Variants in TSR3 observed in about 807,000 individuals in gnomAD.
TSR3 encodes TSR3 ribosome maturation factor, also known as 18S rRNA aminocarboxypropyltransferase.
TSR3 carries 31 observed loss-of-function variants against 28.1 expected under a neutral mutation model. The observed-to-expected ratio is 1.10, with a 90% CI of 0.83 to 1.49. The LOEUF is 1.49. Ranked by LOEUF, TSR3 falls within the 40% of genes most tolerant of loss-of-function variation. The probability of loss-of-function intolerance (pLI) is 0.00; values close to 1 mark genes in which losing one functional copy is unlikely to be tolerated. For synonymous variants in TSR3, 219 were observed against 197.2 expected (o/e 1.11, Z -0.93); for missense variants, 511 against 444.0 (o/e 1.15, Z -1.36).
chr16:1,350,254 GA>G lies in TSR3; in HGVS notation c.527-21del, dbSNP rs1270075957. 1 of 1,568,828 alleles carries G rather than the reference GA, an allele frequency of 6.4e-7. No individual in the cohort carries two copies. On this transcript the variant is annotated intron_variant, in intron 3 of 5. Coordinates refer to ENST00000007390, the MANE Select transcript of TSR3 (RefSeq NM_001001410.3). ...GAAAGCCTGACGGTGTGAGAAACAG[GA>G]AACCCAAAGAAGTCGACGGTCCCCT...
In TSR3 at chr16:1,351,492, G is replaced by A. The variant is rs2034679890; in HGVS notation, c.219C>T (p.Cys73=). 2 of 1,563,308 alleles carry A rather than the reference G, an allele frequency of 1.3e-6. No homozygotes were observed. The highest frequency in any genetic ancestry group is 1.7e-6 in the Non-Finnish European group (2 of 1,162,956). ...WELGHCDPRR[C]TGRKLARLGL... ...CCAGGCGGGCCAGCTTGCGGCCCGTGCAGCGCCGGGGGTCGCAGTGGCCCA... is the reference window on the plus strand; with the variant it reads ...CCAGGCGGGCCAGCTTGCGGCCCGTACAGCGCCGGGGGTCGCAGTGGCCCA... The change falls in exon 2 of 6, where the codon TGC becomes TGT. Residue 73 remains cysteine (C), a synonymous_variant. Coordinates refer to ENST00000007390, the MANE Select transcript of TSR3 (RefSeq NM_001001410.3).
At position 1,349,279 on chromosome 16, in the gene TSR3, G is replaced by A. The variant is rs1366107827; in HGVS notation, c.*158C>T. ...CTTCATTTGCGAGAGCGCCGAGGCA[G>A]GACACAGAGCACAGCTGTGCTGGAA... On this transcript the variant is annotated 3_prime_UTR_variant, in exon 6 of 6. Coordinates refer to ENST00000007390, the MANE Select transcript of TSR3 (RefSeq NM_001001410.3). 12 of 814,362 alleles carry A rather than the reference G, an allele frequency of 1.5e-5. No homozygotes were observed. Among genetic ancestry groups the A allele is most frequent in the Non-Finnish European group, 2.1e-5 (10 of 486,232 alleles). The allele number at this position is 814,362 out of a possible 1,614,324, so 50.4% of individuals were successfully genotyped here.
chr16:1,351,680 A>G lies in TSR3; in HGVS notation c.112+13T>C. On this transcript the variant is annotated intron_variant, in intron 1 of 5. Transcript: ENST00000007390. ...CAAACCCTGACCCGCTCTCCCCATC[A>G]CGCCTCGCTCACCCTGCAGCGCGGC... is the stretch of plus-strand genomic sequence containing the variant. 1 of 1,391,336 alleles carries G rather than the reference A, an allele frequency of 7.2e-7. No homozygotes were observed. The highest frequency in any genetic ancestry group is 3.6e-5 in the Admixed American group (1 of 27,510). 86.2% of individuals were successfully genotyped at this position (1,391,336 alleles called of 1,614,324 possible).
At chr16:1,350,293 G>C (rs1184540890) in intron 3 of TSR3, 59 bp from the exon 4 acceptor site, 1 of 1,514,348 alleles carries the variant, frequency 6.6e-7, no homozygotes, top group East Asian at 2.3e-5. Context: ...AGTGCCTCCT[G>C]ATCACCCTGC....
chr16:1,350,251 CAG>C lies in TSR3; in HGVS notation c.527-19_527-18del. 1 of 1,571,476 alleles carries C rather than the reference CAG, an allele frequency of 6.4e-7. No homozygotes were observed. The highest frequency in any genetic ancestry group is 8.6e-7 in the Non-Finnish European group (1 of 1,162,974). On this transcript the variant is annotated intron_variant, in intron 3 of 5. Coordinates refer to ENST00000007390, the MANE Select transcript of TSR3 (RefSeq NM_001001410.3). ...CTGGAAAGCCTGACGGTGTGAGAAA[CAG>C]GAAACCCAAAGAAGTCGACGGTCCC...
rs756617053 is a variant in TSR3, at chr16:1,349,553, C to T, written c.823G>A (p.Glu275Lys). 6.2e-6 allele frequency: 10 copies of T among 1,612,922 alleles called. No homozygotes were observed. The highest frequency in any genetic ancestry group is 2.7e-5 in the African/African-American group (2 of 74,916). Reference sequence around the variant, plus strand: ...CAGCTGCTGCTGGCTCCTCCGCGCTCGGCGCCAGGCCCTGGGTCCTCAGAC... The same window carrying T: ...CAGCTGCTGCTGGCTCCTCCGCGCTTGGCGCCAGGCCCTGGGTCCTCAGAC... Reference protein sequence around the residue: ...DASEDPGPGAERGGASSSCCE... With the variant: ...DASEDPGPGAKRGGASSSCCE... The change falls in exon 6 of 6, where the codon GAG becomes AAG. Residue 275 changes from glutamate to lysine, a missense_variant. By Grantham distance (56) the Glu-to-Lys change is moderately conservative. Coordinates refer to ENST00000007390, the MANE Select transcript of TSR3 (RefSeq NM_001001410.3).
chr16:1,350,011 C>A, intron 4 of TSR3, 47 bp downstream of exon 4: 1 of 1,610,204 alleles, frequency 6.2e-7, no homozygotes, highest in South Asian at 1.1e-5. Context: ...AGGCCTCCCA[C>A]CCCCCAGGCT....
At chr16:1,350,365 CCTGAGAACCCGTG>C in intron 3 of TSR3, 131 bp from the exon 4 acceptor site, 1 of 1,021,698 alleles carries the variant, frequency 9.8e-7, no homozygotes. Context: ...AGCTCACAGT[CCTGAGAACCCGTG>C]CTGCCCCCAG....
At chr16:1,349,835 G>C in intron 5 of TSR3, 54 bp downstream of exon 5, 1 of 1,599,904 alleles carries the variant, frequency 6.3e-7, no homozygotes, top group Non-Finnish European at 8.6e-7. Flanking sequence ...TCAGGCCAGA[G>C]GTAGAAGAGA....
At chr16:1,351,277 G>A (rs2034670105) in intron 2 of TSR3, 102 bp downstream of exon 2, 2 of 1,254,144 alleles carry the variant, frequency 1.6e-6, no homozygotes, top group South Asian at 3.0e-5. Flanking sequence ...CTGCCCACGT[G>A]GGTGTGGATG....
Position 1,351,752 on chromosome 16 carries a change from C to A in TSR3, c.53G>T (p.Arg18Leu), listed in dbSNP as rs1444362643. The A allele has an allele frequency of 3.7e-6, 5 of 1,355,470 alleles. No homozygotes were observed. The highest frequency in any genetic ancestry group is 1.8e-5 in the South Asian group (1 of 56,498). 84.0% of individuals were successfully genotyped at this position (1,355,470 alleles called of 1,614,324 possible). A position where few individuals can be genotyped will look rare whatever the true frequency, so the allele number is the denominator to read the frequency against. ...RGPGAEGGRP[R>L]HLPTRSLEAF... ...CTCCAGGGAGCGCGTCGGGAGGTGC[C>A]GAGGGCGGCCGCCTTCCGCCCCCGG... The change falls in exon 1 of 6, where the codon CGG becomes CTG. Residue 18 changes from arginine (R) to leucine (L), a missense_variant. Physicochemically the swap from Arg to Leu is moderately radical, Grantham distance 102. Transcript: ENST00000007390.
At chr16:1,349,791 G>A (rs772221071) in intron 5 of TSR3, 98 bp downstream of exon 5, 1 of 1,504,604 alleles carries the variant, frequency 6.6e-7, no homozygotes, top group Non-Finnish European at 9.2e-7. Context: ...TCGGGGTGTT[G>A]TTTACAACAC....
At position 1,350,212 on chromosome 16, in the gene TSR3, A is replaced by G. The variant is rs775210664; in HGVS notation, c.549T>C (p.Ile183=). 8 of 1,600,342 alleles carry G rather than the reference A, an allele frequency of 5.0e-6. No homozygotes were observed. Among genetic ancestry groups the G allele is most frequent in the Non-Finnish European group, 6.8e-6 (8 of 1,178,000 alleles). ...TGCCCCATTTAAACTTCCGCAGCAA[A>G]ATGACAGCAAGGTCTGGAAAGCCTG... ...CIVGFPDLAV[I]LLRKFKWGKG... Residue 183 remains isoleucine (I), a synonymous_variant, in exon 4 of 6, where the codon ATT becomes ATC. Transcript: ENST00000007390.
At chr16:1,350,434 T>TC (rs1170272667) in intron 3 of TSR3, among the ~76,000 whole-genome samples, 200 bp from the exon 4 acceptor site, 2 of 151,594 alleles carry the variant, frequency 1.3e-5, no homozygotes, top group African/African-American at 4.9e-5. Flanking sequence ...ACCGACCAAG[T>TC]CCCCCTCCTT....
chr16:1,350,460 A>G (rs1031929925), intron 3 of TSR3, among the ~76,000 whole-genome samples: 5 of 152,098 alleles, frequency 3.3e-5, no homozygotes, highest in Non-Finnish European at 7.4e-5. Context: ...CGAAACAAAC[A>G]TTCCCACCAA....
At position 1,351,006 on chromosome 16, in the gene TSR3, A is replaced by T; in HGVS notation, c.333-6T>A. 1.2e-6 allele frequency: 2 copies of T among 1,610,880 alleles called. No homozygotes were observed. The highest frequency in any genetic ancestry group is 1.7e-6 in the Non-Finnish European group (2 of 1,179,418). On this transcript the variant is annotated splice_polypyrimidine_tract_variant and splice_region_variant and intron_variant, in intron 2 of 5. Transcript: ENST00000007390. ...CAGACTGCGCCACCAGCTGTCTGCC[A>T]GGGACAGCATGGGATAAGTTCAGGA...
chr16:1,350,770 C>T (rs1005015597), intron 3 of TSR3, 37 bp downstream of exon 3: 1 of 1,590,218 alleles, frequency 6.3e-7, no homozygotes, highest in Non-Finnish European at 8.6e-7. Flanking sequence ...GAACAGCAGG[C>T]CGCCGGGTCA....
At position 1,349,952 on chromosome 16, in the gene TSR3, T is replaced by G. The variant is rs767626640; in HGVS notation, c.704A>C (p.Asp235Ala). 1 of 1,613,448 alleles carries G rather than the reference T, an allele frequency of 6.2e-7. No homozygotes were observed. The highest frequency in any genetic ancestry group is 8.5e-7 in the Non-Finnish European group (1 of 1,179,988). The part of the protein sequence containing the change: ...AKESPQEEEI[D>A]PFDVDSGREF... ...TCTCCCTGAATCCACATCGAAGGGA[T>G]CTGAGCCGAGAGAGGAAAGTGGCCT... The change falls in exon 5 of 6, where the codon GAT becomes GCT. Residue 235 changes from aspartate (D) to alanine (A), a missense_variant and splice_region_variant. Physicochemically the swap from Asp to Ala is moderately radical, Grantham distance 126. Transcript: ENST00000007390.
Position 1,351,457 on chromosome 16 carries a change from CGCACCAGCCCCAGGCGGGCCAG to C in TSR3, c.232_253del (p.Leu78AlafsTer14). On this transcript the variant is annotated frameshift_variant, in exon 2 of 6. Transcript: ENST00000007390. LOFTEE classifies it high-confidence loss of function. ...GAATCTGTGGCCCAGGCGCAGGCAGCGCACCAGCCCCAGGCGGGCCAGCTTGCGGCCCGTGCAGCGCCGGGGG... is the reference window on the plus strand; with the variant it reads ...GAATCTGTGGCCCAGGCGCAGGCAGCCTTGCGGCCCGTGCAGCGCCGGGGG... The C allele has an allele frequency of 6.3e-7, 1 of 1,591,042 alleles. No individual in the cohort carries two copies. Among genetic ancestry groups the C allele is most frequent in the African/African-American group, 1.3e-5 (1 of 74,718 alleles).
Sources: gnomAD v4.1 joint callset for allele counts (sites outside exome capture counted in the v4.1 genomes callset) on GRCh38, gnomAD v4.1.1 for gene constraint, MANE v1.5 for transcripts, NCBI Gene and HGNC (gene_info 2026-07-23, HGNC 2026-07-21) for gene names.